The following BTAF1 variants were observed in gnomAD, a reference collection of about 807,000 sequenced individuals.
BTAF1 encodes the protein TATA-binding protein-associated factor 172.
BTAF1 carries 38 observed loss-of-function variants against 227.1 expected under a neutral mutation model. The ratio of observed to expected loss-of-function variants is 0.17; its 90% CI spans 0.13 to 0.22. The LOEUF (loss-of-function observed/expected upper bound fraction) is 0.22. BTAF1 is among the 10% of genes least tolerant of loss of function. BTAF1 has a pLI of 1.00. For missense variants in BTAF1, 1,598 were observed against 2,204.0 expected, an observed-to-expected ratio of 0.73 and a Z score of 5.51; for synonymous variants, 742 against 751.9, an observed-to-expected ratio of 0.99 and a Z score of 0.21.
intron 4 of BTAF1, among the ~76,000 whole-genome samples, chr10:91,945,690 G>A (rs1259054418): frequency 1.3e-5 from 2 of 152,180 alleles, no homozygotes; most frequent in African/African-American, 4.8e-5. Flanking sequence ...TCATCCATCA[G>A]TGGACACAGG....
intron 4 of BTAF1, among the ~76,000 whole-genome samples, chr10:91,944,671 C>CTAAACGA (rs1639793715): frequency 6.6e-6 from 1 of 152,230 alleles, no homozygotes; most frequent in Non-Finnish European, 1.5e-5. Context: ...ACATTTTCGT[C>CTAAACGA]ACTTTAAGAA....
rs370285992 is a variant in BTAF1, at chr10:92,018,821, A to G, written c.4749A>G (p.Ala1583=). ...QYLRKLCNHP[A]LVLTPQHPEF... ...TACGTAAACTGTGCAACCATCCAGCATTAGTCTTAACACCTCAACATCCAG... is the reference window on the plus strand; with the variant it reads ...TACGTAAACTGTGCAACCATCCAGCGTTAGTCTTAACACCTCAACATCCAG... Residue 1583 remains alanine (A), a synonymous_variant, in exon 34 of 38, where the codon GCA becomes GCG. Coordinates refer to ENST00000265990, the MANE Select transcript of BTAF1 (RefSeq NM_003972.3). The G allele has an allele frequency of 6.2e-6, 10 of 1,605,152 alleles. No individual in the cohort carries two copies. The highest frequency in any genetic ancestry group is 2.2e-5 in the East Asian group (1 of 44,754).
intron 1 of BTAF1, among the ~76,000 whole-genome samples, chr10:91,927,116 T>C (rs1409253221): frequency 6.7e-6 from 1 of 148,586 alleles, no homozygotes; most frequent in Non-Finnish European, 1.5e-5. Flanking sequence ...TGGCTAGTTC[T>C]GACCTTAGTG....
At chr10:91,933,127 A>AG (rs1335511335) in intron 1 of BTAF1, among the ~76,000 whole-genome samples, 1 of 152,206 alleles carries the variant, frequency 6.6e-6, no homozygotes, top group Non-Finnish European at 1.5e-5. Context: ...CCTAGCTTGA[A>AG]GGGGTGTGAG....
intron 20 of BTAF1, among the ~76,000 whole-genome samples, chr10:91,991,271 A>ATATATATAAATATATATATATATAT: frequency 1.5e-5 from 1 of 66,234 alleles, no homozygotes; most frequent in African/African-American, 3.6e-5. Flanking sequence ...TATAAATATA[A>ATATATATAAATATATATATATATAT]ATATATATAT....
At chr10:91,926,682 A>T (rs569845056) in intron 1 of BTAF1, among the ~76,000 whole-genome samples, 1 of 152,224 alleles carries the variant, frequency 6.6e-6, no homozygotes, top group Non-Finnish European at 1.5e-5. Context: ...TGAACATTGT[A>T]TCACCTGATA....
intron 1 of BTAF1, among the ~76,000 whole-genome samples, chr10:91,933,087 C>T (rs984007406): frequency 6.6e-6 from 1 of 152,184 alleles, no homozygotes; most frequent in African/African-American, 2.4e-5. Context: ...CAGGAAACCA[C>T]CCCCTTGAGG....
At chr10:91,950,105 T>A (rs1402682744) in intron 4 of BTAF1, among the ~76,000 whole-genome samples, 1 of 134,550 alleles carries the variant, frequency 7.4e-6, no homozygotes, top group Non-Finnish European at 1.6e-5. Context: ...TTGTACCTAC[T>A]GCACTCCAGC....
intron 26 of BTAF1, 147 bp from the exon 27 acceptor site, chr10:92,008,682 C>T: frequency 1.4e-6 from 1 of 702,118 alleles, no homozygotes; most frequent in Non-Finnish European, 2.1e-6. Context: ...TTAGTAAAAT[C>T]TTGTGTTTAG....
intron 6 of BTAF1, among the ~76,000 whole-genome samples, chr10:91,956,175 T>C (rs1846071869): frequency 6.6e-6 from 1 of 152,158 alleles, no homozygotes. Context: ...CTAAAAACGT[T>C]AATGTTATGC....
chr10:92,014,813 C>G (rs1412315212), intron 32 of BTAF1, among the ~76,000 whole-genome samples: 1 of 152,178 alleles, frequency 6.6e-6, no homozygotes, highest in Non-Finnish European at 1.5e-5. Flanking sequence ...ATTGTGCAAA[C>G]ATCATAGAGT....
chr10:91,927,242 G>T (rs1351206788), intron 1 of BTAF1, among the ~76,000 whole-genome samples: 1 of 151,578 alleles, frequency 6.6e-6, no homozygotes, highest in South Asian at 2.1e-4. Context: ...GGGTTCAAAC[G>T]ATTCTCCTGC....
intron 23 of BTAF1, among the ~76,000 whole-genome samples, chr10:91,996,074 G>A (rs1225220733): frequency 1.3e-5 from 2 of 152,142 alleles, no homozygotes; most frequent in Admixed American, 1.3e-4. Flanking sequence ...TTTTTGGTTT[G>A]TTTCCTGTTA....
Position 91,996,499 on chromosome 10 carries a change from A to C in BTAF1, c.3440A>C (p.Glu1147Ala). 1 of 1,614,134 alleles carries C rather than the reference A, an allele frequency of 6.2e-7. No homozygotes were observed. Among genetic ancestry groups the C allele is most frequent in the Non-Finnish European group, 8.5e-7 (1 of 1,180,016 alleles). The change falls in exon 24 of 38, where the codon GAG (glutamate) becomes GCG (alanine). Residue 1147 changes from glutamate (E) to alanine (A), a missense_variant. By Grantham distance (107) the Glu-to-Ala change is moderately radical. Around this residue, in one of 10 missense-constraint regions of BTAF1, gnomAD observed 425 missense variants for 491.2 expected, o/e 0.87. Coordinates refer to ENST00000265990, the MANE Select transcript of BTAF1 (RefSeq NM_003972.3). ...ATGGAAACAATGAATATTTTTTTGG[A>C]GAAGGTTCTTCCGTGGCTGGGAGCA... The part of the protein sequence containing the change: ...ATMETMNIFL[E>A]KVLPWLGAID...
intron 4 of BTAF1, among the ~76,000 whole-genome samples, chr10:91,945,054 A>G (rs1845268850): frequency 6.6e-6 from 1 of 152,202 alleles, no homozygotes; most frequent in South Asian, 2.1e-4. Context: ...TTCTGTAAGC[A>G]CACTGTGATG....
intron 14 of BTAF1, among the ~76,000 whole-genome samples, chr10:91,974,424 C>T (rs1847537921): frequency 6.6e-6 from 1 of 152,134 alleles, no homozygotes; most frequent in South Asian, 2.1e-4. Context: ...ACATTATTTC[C>T]TTTATACTTC....
intron 34 of BTAF1, among the ~76,000 whole-genome samples, chr10:92,022,096 C>G (rs1308187137): frequency 2.6e-5 from 4 of 152,134 alleles, no homozygotes; most frequent in Admixed American, 2.6e-4. Context: ...CGATCAGTCT[C>G]TCAGAGCAGA....
intron 9 of BTAF1, chr10:91,959,369 C>G (rs1173290024): frequency 2.2e-6 from 2 of 921,660 alleles, no homozygotes. Flanking sequence ...TTGGTATTGC[C>G]TGGAGACACT....
chr10:91,992,237 C>G lies in BTAF1; in HGVS notation c.2973C>G (p.Pro991=), dbSNP rs752869628. 1.9e-6 allele frequency: 3 copies of G among 1,613,632 alleles called. No individual in the cohort carries two copies. The highest frequency in any genetic ancestry group is 2.2e-5 in the South Asian group (2 of 91,034). ...FAITSRRGPT[P]KAVKAQIADL... ...TCACAAGTAGGCGAGGTCCTACCCC[C>G]AAAGCAGTAAAAGCTCAAATAGCAG... Residue 991 remains proline, a synonymous_variant, in exon 21 of 38, where the codon CCC becomes CCG. Transcript: ENST00000265990.
Sources: allele counts gnomAD v4.1 joint callset (sites outside exome capture counted in the v4.1 genomes callset), GRCh38; gene constraint gnomAD v4.1.1; regional missense constraint gnomAD v4.1.1; transcripts MANE v1.5; gene names NCBI Gene and HGNC (gene_info 2026-07-23, HGNC 2026-07-21).